ADGRL3: variants seen among roughly 807,000 people sequenced by gnomAD.
The protein encoded by ADGRL3 is calcium-independent alpha-latrotoxin receptor 3.
Under a neutral mutation model 153.5 loss-of-function variants are expected in ADGRL3, and 62 were observed. That is an observed-to-expected ratio of 0.40 (90% confidence interval 0.33 to 0.50). The LOEUF is 0.50. ADGRL3 is among the 20% of genes least tolerant of loss of function. The pLI, the probability that ADGRL3 is intolerant of heterozygous loss-of-function variation, is 0.47. For missense variants in ADGRL3, 1,641 were observed against 1,859.4 expected, an observed-to-expected ratio of 0.88 and a Z score of 2.16; for synonymous variants, 710 against 672.5, an observed-to-expected ratio of 1.06 and a Z score of -0.86.
intron 2 of ADGRL3, among the ~76,000 whole-genome samples, chr4:61,456,092 A>G (rs1352805420): frequency 6.6e-6 from 1 of 151,972 alleles, no homozygotes; most frequent in African/African-American, 2.4e-5. Flanking sequence ...GCATGAGCCA[A>G]TATGCCCGGC....
intron 8 of ADGRL3, among the ~76,000 whole-genome samples, chr4:61,750,529 CGCCTGTAATCCCA>C (rs1665343839): frequency 6.6e-6 from 1 of 152,162 alleles, no homozygotes; most frequent in South Asian, 2.1e-4. Context: ...CGGTGGCTCA[CGCCTGTAATCCCA>C]GCACTTTGGG....
At chr4:62,033,225 G>A (rs148011395) in intron 23 of ADGRL3, among the ~76,000 whole-genome samples, 108 of 151,706 alleles carry the variant, frequency 7.1e-4, no homozygotes, top group Non-Finnish European at 1.4e-3. Context: ...TGATTTTGTG[G>A]TTTGAAAGTG....
chr4:61,345,449 G>A (rs1415049296), intron 1 of ADGRL3, among the ~76,000 whole-genome samples: 1 of 152,118 alleles, frequency 6.6e-6, no homozygotes, highest in Non-Finnish European at 1.5e-5. Context: ...TATTGGTTGT[G>A]ATGTTGACTG....
In ADGRL3 at chr4:61,498,363, A is replaced by T. The variant is rs140049997; in HGVS notation, c.55+1015A>T. On this transcript the variant is annotated intron_variant, in intron 3 of 26. Coordinates refer to ENST00000683033, the MANE Select transcript of ADGRL3 (RefSeq NM_001387552.1). ...CAAGAGATCGAGACCATCCTGGCTA[A>T]CACCGTGAAACCCCGTCTCTACTAA... Among the ~76,000 whole-genome samples, 534 of 152,208 alleles carry T rather than the reference A, an allele frequency of 3.5e-3. 3 individuals are homozygous for T. The highest frequency in any genetic ancestry group is 0.012 in the African/African-American group (505 of 41,524).
At position 61,911,838 on chromosome 4, in the gene ADGRL3, G is replaced by GA. The variant is rs765485129; in HGVS notation, c.2074-870dup. The stretch of plus-strand genomic sequence containing the variant: ...TCCTTCAACAATCAAGGCTACTGAG[G>GA]AAAAAAAAAAATTGGAAAGAAGAGG... On this transcript the variant is annotated intron_variant, in intron 12 of 26. Transcript: ENST00000683033. 1.6e-3 allele frequency among the ~76,000 whole-genome samples: 228 copies of GA among 144,590 alleles called. No individual in the cohort carries two copies. In the East Asian group the frequency reaches 0.017, roughly 11 times the overall value. The allele number at this position is 144,590 out of a possible 152,430, so 94.9% of individuals were successfully genotyped here.
chr4:61,495,217 G>A (rs902776788), intron 2 of ADGRL3, among the ~76,000 whole-genome samples: 5 of 152,122 alleles, frequency 3.3e-5, no homozygotes, highest in South Asian at 2.1e-4. Context: ...CTACCATGCC[G>A]TAAATAACAA....
intron 4 of ADGRL3, among the ~76,000 whole-genome samples, chr4:61,576,634 G>A (rs1429842081): frequency 2.0e-5 from 3 of 148,674 alleles, no homozygotes; most frequent in Non-Finnish European, 3.0e-5. Flanking sequence ...TGGAAACATT[G>A]TTAATGAAAG....
intron 8 of ADGRL3, among the ~76,000 whole-genome samples, chr4:61,795,301 T>C (rs578108638): frequency 1.8e-4 from 28 of 152,104 alleles, no homozygotes; most frequent in Non-Finnish European, 2.6e-4. Flanking sequence ...CTAATATTTA[T>C]TTTTGTGTGT....
chr4:62,008,824 A>G lies in ADGRL3; in HGVS notation c.3395+10559A>G, dbSNP rs1017220116. Among the ~76,000 whole-genome samples, 7 of 152,186 alleles carry G rather than the reference A, an allele frequency of 4.6e-5. 1 individual carries two copies. Among genetic ancestry groups the G allele is most frequent in the South Asian group, 4.1e-4 (2 of 4,822 alleles). ...CAGGCACACAGTCATGTACTGCATA[A>G]TGACATTTTAGTGAATGACAATCGC... On this transcript the variant is annotated intron_variant, in intron 21 of 26. Transcript: ENST00000683033.
In ADGRL3 at chr4:61,200,456, A is replaced by G. The variant is rs898079908; in HGVS notation, c.-1549A>G. On this transcript the variant is annotated 5_prime_UTR_variant, in exon 1 of 27. Coordinates refer to ENST00000683033, the MANE Select transcript of ADGRL3 (RefSeq NM_001387552.1). ...CTGCTGGCCCGGCACCGCTCGCTCC[A>G]GTTCCCAGGAGCGGGGATGCAGATG... is the stretch of plus-strand genomic sequence containing the variant. 2.6e-5 allele frequency among the ~76,000 whole-genome samples: 4 copies of G among 151,146 alleles called. No individual in the cohort carries two copies.
At chr4:61,821,102 A>G (rs909448734) in intron 9 of ADGRL3, among the ~76,000 whole-genome samples, 142 of 151,052 alleles carry the variant, frequency 9.4e-4, no homozygotes, top group African/African-American at 3.4e-3. Flanking sequence ...GTTTGGTGAC[A>G]GCCTTAGCAG....
chr4:61,619,227 A>C (rs1382154247), intron 5 of ADGRL3, among the ~76,000 whole-genome samples: 2 of 152,186 alleles, frequency 1.3e-5, no homozygotes, highest in Non-Finnish European at 2.9e-5. Flanking sequence ...CCAGTTGTGC[A>C]TAGACCGTAC....
chr4:61,218,435 G>A (rs974558545), intron 1 of ADGRL3, among the ~76,000 whole-genome samples: 1 of 151,954 alleles, frequency 6.6e-6, no homozygotes, highest in African/African-American at 2.4e-5. Flanking sequence ...TCAGCCTCAC[G>A]AGTAGCTGGG....
chr4:61,396,520 T>A (rs769137902), intron 2 of ADGRL3, among the ~76,000 whole-genome samples: 2 of 151,982 alleles, frequency 1.3e-5, no homozygotes, highest in African/African-American at 4.8e-5. Flanking sequence ...GCTGAATGAT[T>A]GCCAACTTGA....
intron 2 of ADGRL3, among the ~76,000 whole-genome samples, chr4:61,453,542 C>T (rs1229013594): frequency 6.6e-6 from 1 of 151,954 alleles, no homozygotes; most frequent in Non-Finnish European, 1.5e-5. Flanking sequence ...TTAATAGGCG[C>T]TGTATGGGTT....
intron 3 of ADGRL3, among the ~76,000 whole-genome samples, chr4:61,505,081 G>C (rs187808899): frequency 6.6e-6 from 1 of 152,020 alleles, no homozygotes; most frequent in Non-Finnish European, 1.5e-5. Context: ...GACAGACAAA[G>C]GTTCCCCTTT....
intron 2 of ADGRL3, among the ~76,000 whole-genome samples, chr4:61,462,784 A>G (rs548549317): frequency 6.6e-6 from 1 of 152,308 alleles, no homozygotes; most frequent in Admixed American, 6.5e-5. Context: ...TACTCAGGAT[A>G]AGCAGCTATT....
At chr4:61,589,466 T>G (rs2098960394) in intron 5 of ADGRL3, among the ~76,000 whole-genome samples, 1 of 152,090 alleles carries the variant, frequency 6.6e-6, no homozygotes, top group African/African-American at 2.4e-5. Context: ...TAATTACTAC[T>G]TATGGTATGG....
At chr4:61,701,799 TAAA>T (rs755540195) in intron 6 of ADGRL3, among the ~76,000 whole-genome samples, 2 of 152,010 alleles carry the variant, frequency 1.3e-5, no homozygotes, top group Non-Finnish European at 2.9e-5. Flanking sequence ...TTTTTTAATC[TAAA>T]AAATACAGAT....
Sources: gnomAD v4.1 joint callset for allele counts (sites outside exome capture counted in the v4.1 genomes callset) on GRCh38, gnomAD v4.1.1 for gene constraint, MANE v1.5 for transcripts, NCBI Gene and HGNC (gene_info 2026-07-23, HGNC 2026-07-21) for gene names.